NIBAN1: variants seen among roughly 807,000 people sequenced by gnomAD.
NIBAN1 encodes niban apoptosis regulator 1.
A neutral mutation model predicts 75.1 loss-of-function variants in NIBAN1; 81 were observed. That is an observed-to-expected ratio of 1.08 (90% CI 0.90 to 1.30). NIBAN1 has a LOEUF of 1.30. Among genes scored for constraint, NIBAN1 ranks in the 50% most tolerant of loss-of-function variants. NIBAN1 has a pLI of 0.00. For missense variants in NIBAN1, 1,133 were observed against 1,128.1 expected, an observed-to-expected ratio of 1.00 and a Z score of -0.06; for synonymous variants, 436 against 424.8, an observed-to-expected ratio of 1.03 and a Z score of -0.32.
chr1:184,838,767 T>C (rs554024391), intron 5 of NIBAN1, among the ~76,000 whole-genome samples: 33 of 152,328 alleles, frequency 2.2e-4, no homozygotes, highest in African/African-American at 7.5e-4. Flanking sequence ...AGATTCTGCC[T>C]CTGGCTGTGG....
intron 4 of NIBAN1, among the ~76,000 whole-genome samples, chr1:184,888,625 T>G (rs1656592232): frequency 6.6e-6 from 1 of 152,204 alleles, no homozygotes; most frequent in South Asian, 2.1e-4. Context: ...AATGCCCCAA[T>G]CTGAAGCCTT....
At chr1:184,961,548 T>C (rs1658647606) in intron 1 of NIBAN1, among the ~76,000 whole-genome samples, 1 of 152,192 alleles carries the variant, frequency 6.6e-6, no homozygotes, top group South Asian at 2.1e-4. Context: ...ATCTGTAATG[T>C]TGGTTACCTA....
rs753973976 is a variant in NIBAN1, at chr1:184,823,224, G to A, written c.928C>T (p.Arg310Cys). 18 of 1,614,070 alleles carry A rather than the reference G, an allele frequency of 1.1e-5. No homozygotes were observed. Among genetic ancestry groups the A allele is most frequent in the Middle Eastern group, 1.6e-4 (1 of 6,084 alleles). ...ALTKGLEGTI[R>C]SDMDQIVNSK... ...TTCACAATCTGATCCATGTCAGAAC[G>A]GATCGTTCCTTCCAGGCCCTTTGTC... Residue 310 changes from arginine (R) to cysteine (C), a missense_variant, in exon 8 of 14, where the codon CGT becomes TGT. Transcript: ENST00000367511.
In NIBAN1 at chr1:184,794,797, T is replaced by TTCATGTCCACAAAGGTTTGCCTCAGTTGC; in HGVS notation, c.*151_*179dup. On this transcript the variant is annotated 3_prime_UTR_variant, in exon 14 of 14. Transcript: ENST00000367511. ...AAAGCAAAAATTCATCGTAGAACAA[T>TTCATGTCCACAAAGGTTTGCCTCAGTTGC]TCATGTCCACAAAGGTTTGCCTCAG... 2.7e-6 allele frequency: 2 copies of TTCATGTCCACAAAGGTTTGCCTCAGTTGC among 750,230 alleles called. No homozygotes were observed. The highest frequency in any genetic ancestry group is 4.4e-6 in the Non-Finnish European group (2 of 450,538). The allele number at this position is 750,230 out of a possible 1,614,324, so 46.5% of individuals were successfully genotyped here. A position where few individuals can be genotyped will look rare whatever the true frequency, so the allele number is the denominator to read the frequency against.
Position 184,974,429 on chromosome 1 carries a change from C to G in NIBAN1, c.-73G>C. ...CGCTGCTAGCTCCTGGAGGTTGATC[C>G]GACGGCGAACCCGGCTCTGAAATTA... On this transcript the variant is annotated 5_prime_UTR_variant, in exon 1 of 14. Coordinates refer to ENST00000367511, the MANE Select transcript of NIBAN1 (RefSeq NM_052966.4). 1 of 1,497,154 alleles carries G rather than the reference C, an allele frequency of 6.7e-7. No homozygotes were observed. Among genetic ancestry groups the G allele is most frequent in the Admixed American group, 2.1e-5 (1 of 46,518 alleles). The allele number at this position is 1,497,154 out of a possible 1,614,324, so 92.7% of individuals were successfully genotyped here. A position where few individuals can be genotyped will look rare whatever the true frequency, so the allele number is the denominator to read the frequency against.
intron 1 of NIBAN1, among the ~76,000 whole-genome samples, chr1:184,969,726 C>G (rs998955554): frequency 6.7e-6 from 1 of 148,782 alleles, no homozygotes; most frequent in African/African-American, 2.5e-5. Context: ...GAGACAAGGT[C>G]TTGTCATGTT....
intron 4 of NIBAN1, chr1:184,887,609 C>T (rs1380991766): frequency 1.3e-5 from 2 of 152,152 alleles, no homozygotes; most frequent in Non-Finnish European, 2.9e-5. Context: ...GGTAGGAGCT[C>T]AGCAGCCACC....
intron 1 of NIBAN1, among the ~76,000 whole-genome samples, chr1:184,920,739 G>T (rs995299531): frequency 6.6e-6 from 1 of 152,164 alleles, no homozygotes; most frequent in Non-Finnish European, 1.5e-5. Flanking sequence ...CTACCAAAAA[G>T]AAATGTATTT....
intron 1 of NIBAN1, among the ~76,000 whole-genome samples, chr1:184,910,557 C>T (rs189190081): frequency 6.6e-6 from 1 of 152,132 alleles, no homozygotes; most frequent in East Asian, 1.9e-4. Context: ...GGAATTCAAG[C>T]ACTTTTTTAA....
At chr1:184,969,464 C>T (rs1658879519) in intron 1 of NIBAN1, among the ~76,000 whole-genome samples, 1 of 152,134 alleles carries the variant, frequency 6.6e-6, no homozygotes, top group South Asian at 2.1e-4. Context: ...AAGAAGTGCC[C>T]TTCACTTTGC....
rs185980381 is a variant in NIBAN1 at position 184,812,063 on chromosome 1, T to C, written c.1174-3828A>G. Among the ~76,000 whole-genome samples, 170 of 152,312 alleles carry C rather than the reference T, an allele frequency of 1.1e-3. 2 individuals are homozygous for C. Among genetic ancestry groups the C allele is most frequent in the Admixed American group, 9.5e-3 (146 of 15,294 alleles). On this transcript the variant is annotated intron_variant, in intron 9 of 13. Coordinates refer to ENST00000367511, the MANE Select transcript of NIBAN1 (RefSeq NM_052966.4). ...ACTAACTAGTGGCCATCAGAACTTT[T>C]CAGTGTCGCTGAAATGAATGGGTCT...
intron 5 of NIBAN1, among the ~76,000 whole-genome samples, chr1:184,883,647 C>G (rs1656434205): frequency 6.6e-6 from 1 of 152,202 alleles, no homozygotes; most frequent in African/African-American, 2.4e-5. Flanking sequence ...GCAACACCAC[C>G]CCAAGGGTGG....
At chr1:184,875,030 T>C (rs1408432116) in intron 5 of NIBAN1, among the ~76,000 whole-genome samples, 1 of 152,080 alleles carries the variant, frequency 6.6e-6, no homozygotes, top group Non-Finnish European at 1.5e-5. Context: ...TGACATAGAG[T>C]ATATATTTGG....
At chr1:184,855,124 T>C (rs999322476) in intron 5 of NIBAN1, among the ~76,000 whole-genome samples, 2 of 152,180 alleles carry the variant, frequency 1.3e-5, no homozygotes, top group South Asian at 4.1e-4. Context: ...ACTTTAAATG[T>C]CCAATCCATT....
intron 5 of NIBAN1, among the ~76,000 whole-genome samples, chr1:184,854,520 T>C (rs1305956440): frequency 1.3e-5 from 2 of 152,232 alleles, no homozygotes; most frequent in Admixed American, 6.5e-5. Flanking sequence ...TTGACAATTA[T>C]ATCTCACTCA....
chr1:184,809,667 G>T (rs1654318716), intron 9 of NIBAN1, among the ~76,000 whole-genome samples: 1 of 134,162 alleles, frequency 7.5e-6, no homozygotes, highest in South Asian at 2.3e-4. Flanking sequence ...ATATATATGT[G>T]TGTGTGTATA....
intron 5 of NIBAN1, among the ~76,000 whole-genome samples, chr1:184,841,781 C>T (rs972482540): frequency 2.0e-5 from 3 of 152,190 alleles, no homozygotes; most frequent in Admixed American, 6.5e-5. Context: ...AAAGGAAGTA[C>T]TCCATCTGGG....
intron 1 of NIBAN1, among the ~76,000 whole-genome samples, chr1:184,935,990 A>G (rs1236224005): frequency 6.6e-6 from 1 of 151,106 alleles, no homozygotes; most frequent in Non-Finnish European, 1.5e-5. Flanking sequence ...AACCACAGCT[A>G]TATCTAACCC....
intron 4 of NIBAN1, among the ~76,000 whole-genome samples, chr1:184,889,376 A>G (rs912264062): frequency 3.3e-5 from 5 of 152,166 alleles, no homozygotes; most frequent in East Asian, 1.9e-4. Context: ...TAAAAATCCA[A>G]TCTCCCAATT....
Sources: gnomAD v4.1 joint callset for allele counts (sites outside exome capture counted in the v4.1 genomes callset) on GRCh38, gnomAD v4.1.1 for gene constraint, MANE v1.5 for transcripts, NCBI Gene and HGNC (gene_info 2026-07-23, HGNC 2026-07-21) for gene names.